CLNK: variants seen among roughly 807,000 people sequenced by gnomAD.
The protein encoded by CLNK is cytokine dependent hematopoietic cell linker, also known as cytokine-dependent hematopoietic cell linker.
A neutral mutation model predicts 68.6 loss-of-function variants in CLNK; 74 were observed. The ratio of observed to expected loss-of-function variants is 1.08; its 90% CI spans 0.89 to 1.31. The LOEUF (loss-of-function observed/expected upper bound fraction) is 1.31. Among genes scored for constraint, CLNK ranks in the 50% most tolerant of loss-of-function variants. The pLI is 0.00. For synonymous variants in CLNK, 198 were observed against 172.2 expected, an observed-to-expected ratio of 1.15 and a Z score of -1.17; for missense variants, 553 against 515.3, an observed-to-expected ratio of 1.07 and a Z score of -0.71.
intron 8 of CLNK, among the ~76,000 whole-genome samples, chr4:10,554,013 A>G (rs982134663): frequency 6.6e-6 from 1 of 152,190 alleles, no homozygotes; most frequent in African/African-American, 2.4e-5. Context: ...CTTAGTTACA[A>G]GGAGGGGCTG....
the CLNK span, among the ~76,000 whole-genome samples, chr4:10,732,437 TA>T: frequency 3.3e-5 from 5 of 152,310 alleles, no homozygotes; most frequent in East Asian, 9.6e-4. Flanking sequence ...TACAGGTTTT[TA>T]AGTAGGAGTG....
intron 17 of CLNK, among the ~76,000 whole-genome samples, chr4:10,505,635 T>C (rs1717257431): frequency 1.3e-5 from 2 of 152,206 alleles, no homozygotes; most frequent in African/African-American, 2.4e-5. Context: ...GATCCCTGGC[T>C]TGTGGTTCTC....
At chr4:10,697,566 C>T in the CLNK span, 6 of 152,160 alleles carry the variant, frequency 3.9e-5, no homozygotes, top group African/African-American at 1.2e-4. Context: ...GAATTATCAC[C>T]TTCTTCCCCT....
At chr4:10,549,500 C>T (rs190509693) in intron 8 of CLNK, among the ~76,000 whole-genome samples, 1 of 152,160 alleles carries the variant, frequency 6.6e-6, no homozygotes, top group African/African-American at 2.4e-5. Context: ...GATCATGGCA[C>T]GTGCTTAATG....
chr4:10,632,541 G>C (rs1269864595), intron 2 of CLNK, among the ~76,000 whole-genome samples: 1 of 152,218 alleles, frequency 6.6e-6, no homozygotes, highest in Non-Finnish European at 1.5e-5. Context: ...AAGTTGAAAT[G>C]CCACAAGGGC....
At chr4:10,703,935 T>G in the CLNK span, among the ~76,000 whole-genome samples, 1 of 152,234 alleles carries the variant, frequency 6.6e-6, no homozygotes, top group Non-Finnish European at 1.5e-5. Context: ...ATGTATTTCA[T>G]TATATCCTGA....
At chr4:10,641,262 G>T (rs192588478) in intron 2 of CLNK, among the ~76,000 whole-genome samples, 64 of 152,288 alleles carry the variant, frequency 4.2e-4, no homozygotes, top group Admixed American at 3.9e-3. Context: ...GTATGAAAGG[G>T]ATGGGGAGTG....
chr4:10,650,930 G>A (rs973126250), intron 2 of CLNK, among the ~76,000 whole-genome samples: 3 of 151,954 alleles, frequency 2.0e-5, no homozygotes, highest in East Asian at 3.9e-4. Flanking sequence ...ACATTTATGC[G>A]GTCAACAAAC....
chr4:10,559,496 T>A (rs1719806761), intron 7 of CLNK, among the ~76,000 whole-genome samples: 1 of 152,188 alleles, frequency 6.6e-6, no homozygotes, highest in African/African-American at 2.4e-5. Flanking sequence ...TTCAATGTTC[T>A]TGTGCACGCT....
intron 8 of CLNK, among the ~76,000 whole-genome samples, chr4:10,546,550 C>G (rs1475889223): frequency 6.6e-6 from 1 of 152,218 alleles, no homozygotes; most frequent in Non-Finnish European, 1.5e-5. Flanking sequence ...TCACAACCAC[C>G]TATCTAATCA....
At chr4:10,536,979 T>C (rs577195758) in intron 11 of CLNK, among the ~76,000 whole-genome samples, 1 of 152,130 alleles carries the variant, frequency 6.6e-6, no homozygotes, top group Non-Finnish European at 1.5e-5. Flanking sequence ...CCTTCAAAGC[T>C]TTTGTGGTGG....
intron 16 of CLNK, among the ~76,000 whole-genome samples, chr4:10,512,517 C>T (rs1717635803): frequency 6.6e-6 from 1 of 152,020 alleles, no homozygotes; most frequent in Non-Finnish European, 1.5e-5. Context: ...AGGCATGAGC[C>T]ACCGTGCCTG....
intron 17 of CLNK, among the ~76,000 whole-genome samples, chr4:10,503,712 TG>T (rs1212373583): frequency 4.0e-5 from 6 of 149,736 alleles, no homozygotes; most frequent in Non-Finnish European, 7.4e-5. Context: ...ATGATGATAC[TG>T]GTAGCTAAGG....
intron 2 of CLNK, among the ~76,000 whole-genome samples, chr4:10,605,820 C>T (rs1281701057): frequency 8.1e-5 from 2 of 24,574 alleles, no homozygotes; most frequent in South Asian, 1.4e-3. Flanking sequence ...GAGCAAGACT[C>T]TGTCCAAAAA....
chr4:10,612,328 GT>G (rs1411765515), intron 2 of CLNK, among the ~76,000 whole-genome samples: 3 of 152,252 alleles, frequency 2.0e-5, no homozygotes, highest in African/African-American at 7.2e-5. Context: ...AGACACCTGA[GT>G]TTGAAGTCAT....
In CLNK at chr4:10,679,902, C is replaced by G. The variant is rs554138389; in HGVS notation, c.-43+4766G>C. ...GAGAGGATGTGGAGAAATAGGAACA[C>G]TTTTACACTGTTGGTGGGACTGTAA... On this transcript the variant is annotated intron_variant, in intron 1 of 18. Coordinates refer to ENST00000226951, the MANE Select transcript of CLNK (RefSeq NM_052964.4). Among the ~76,000 whole-genome samples, 530 of 152,248 alleles carry G rather than the reference C, an allele frequency of 3.5e-3. 1 individual carries two copies. Among genetic ancestry groups the G allele is most frequent in the Non-Finnish European group, 5.8e-3 (397 of 68,012 alleles).
intron 2 of CLNK, among the ~76,000 whole-genome samples, chr4:10,654,384 A>AAT (rs71281268): frequency 0.057 from 4,788 of 84,088 alleles, 563 homozygotes; most frequent in African/African-American, 0.13. Context: ...ATATTGATTA[A>AAT]ATATATATAT....
chr4:10,596,197 G>A (rs1721377834), intron 3 of CLNK, among the ~76,000 whole-genome samples: 1 of 152,024 alleles, frequency 6.6e-6, no homozygotes, highest in South Asian at 2.1e-4. Flanking sequence ...GGCTACTTTT[G>A]TATTTTTAGT....
At chr4:10,675,422 C>G (rs1724830828) in intron 1 of CLNK, among the ~76,000 whole-genome samples, 1 of 152,136 alleles carries the variant, frequency 6.6e-6, no homozygotes, top group Admixed American at 6.5e-5. Flanking sequence ...TATGGTATCA[C>G]AAGCAGTTTA....
Sources: gnomAD v4.1 joint callset for allele counts (sites outside exome capture counted in the v4.1 genomes callset) on GRCh38, gnomAD v4.1.1 for gene constraint, MANE v1.5 for transcripts, NCBI Gene and HGNC (gene_info 2026-07-23, HGNC 2026-07-21) for gene names.